Variants in NAV3 observed in about 807,000 individuals in gnomAD.
NAV3 encodes neuron navigator 3.
A neutral mutation model predicts 244.7 loss-of-function variants in NAV3; 87 were observed. That is an observed-to-expected ratio of 0.36 (90% CI 0.30 to 0.42). The LOEUF (loss-of-function observed/expected upper bound fraction) is 0.42, where lower values mean the gene tolerates loss of function less well. NAV3 is among the 20% of genes least tolerant of loss of function. The probability of loss-of-function intolerance (pLI) is 1.00; values close to 1 mark genes in which losing one functional copy is unlikely to be tolerated. For synonymous variants in NAV3, 1,126 were observed against 1,042.2 expected (o/e 1.08, Z -1.55); for missense variants, 2,663 against 2,893.3 (o/e 0.92, Z 1.83).
At chr12:77,631,684 CA>C (rs1871906920) in intron 2 of NAV3, among the ~76,000 whole-genome samples, 5 of 152,310 alleles carry the variant, frequency 3.3e-5, no homozygotes, top group Admixed American at 3.3e-4. Context: ...GCCACCCCTT[CA>C]CATGGATTAT....
chr12:78,168,730 C>A, intron 23 of NAV3, 25 bp from the exon 24 acceptor site: 1 of 1,503,928 alleles, frequency 6.6e-7, no homozygotes. Context: ...GGTACTAAAG[C>A]TTCCAAACTC....
At chr12:78,044,885 T>C (rs1566055238) in intron 9 of NAV3, among the ~76,000 whole-genome samples, 1 of 152,176 alleles carries the variant, frequency 6.6e-6, no homozygotes, top group Non-Finnish European at 1.5e-5. Context: ...ACAGAGACAA[T>C]TTGACTTCCT....
At position 77,948,686 on chromosome 12, in the gene NAV3, CCA is replaced by C. The variant is rs1283093371; in HGVS notation, c.414+7555_414+7556del. ...TGCTCCTTCTTTTTCAATTGCCCCC[CCA>C]CCACTGCCAAACTTAATAAAATTAT... is the stretch of plus-strand genomic sequence containing the variant. On this transcript the variant is annotated intron_variant, in intron 3 of 39. Coordinates refer to ENST00000397909, the MANE Select transcript of NAV3 (RefSeq NM_001024383.2). Among the ~76,000 whole-genome samples, 352 of 135,752 alleles carry C rather than the reference CCA, an allele frequency of 2.6e-3. 6 individuals carry two copies. The highest frequency in any genetic ancestry group is 8.5e-3 in the African/African-American group (315 of 37,120). 89.1% of individuals were successfully genotyped at this position (135,752 alleles called of 152,430 possible). A position where few individuals can be genotyped will look rare whatever the true frequency, so the allele number is the denominator to read the frequency against.
intron 3 of NAV3, among the ~76,000 whole-genome samples, chr12:77,958,003 G>A (rs1891533315): frequency 6.6e-6 from 1 of 152,140 alleles, no homozygotes; most frequent in Non-Finnish European, 1.5e-5. Context: ...TGGTTGATAT[G>A]TCAAGAACAC....
chr12:77,766,632 A>C (rs1869767415), intron 2 of NAV3, among the ~76,000 whole-genome samples: 1 of 151,580 alleles, frequency 6.6e-6, no homozygotes, highest in African/African-American at 2.4e-5. Flanking sequence ...TAAATTCTCA[A>C]CTTCAGTCTC....
rs141534123 is a variant in NAV3, at chr12:78,123,220, T to A, written c.4238+792T>A. Among the ~76,000 whole-genome samples, 17 of 152,308 alleles carry A rather than the reference T, an allele frequency of 1.1e-4. No individual in the cohort carries two copies. The South Asian group carries it at 3.5e-3, about 32-fold the overall frequency. ...AAAACCACTTCTTTTTCCTGATAAA[T>A]GCAATGCTATTTGTCTCTTGACATA... On this transcript the variant is annotated intron_variant, in intron 16 of 39. Transcript: ENST00000397909.
intron 2 of NAV3, among the ~76,000 whole-genome samples, chr12:77,611,861 A>G (rs1350567779): frequency 6.6e-6 from 1 of 152,046 alleles, no homozygotes; most frequent in African/African-American, 2.4e-5. Flanking sequence ...GCTTCTCTTC[A>G]TGCTTTAATA....
chr12:77,675,471 A>G (rs1874165046), intron 2 of NAV3, among the ~76,000 whole-genome samples: 2 of 152,206 alleles, frequency 1.3e-5, no homozygotes, highest in African/African-American at 4.8e-5. Context: ...TCTCTTACTT[A>G]AAGCCTACTG....
chr12:77,770,432 TA>T (rs1232463049), intron 2 of NAV3, among the ~76,000 whole-genome samples: 1 of 152,158 alleles, frequency 6.6e-6, no homozygotes, highest in African/African-American at 2.4e-5. Flanking sequence ...ATCAGGCCAG[TA>T]AAAAATCTGG....
intron 2 of NAV3, among the ~76,000 whole-genome samples, chr12:77,683,585 G>A (rs1352660686): frequency 1.3e-5 from 2 of 152,082 alleles, no homozygotes; most frequent in Non-Finnish European, 2.9e-5. Flanking sequence ...GATAGAGATT[G>A]CACTGAATCT....
chr12:78,074,939 A>G (rs1280456901), intron 12 of NAV3, among the ~76,000 whole-genome samples: 1 of 152,206 alleles, frequency 6.6e-6, no homozygotes, highest in Admixed American at 6.5e-5. Flanking sequence ...GCAAAAGACT[A>G]GAGAGTTTCC....
At chr12:77,964,042 T>C (rs1055147084) in intron 3 of NAV3, among the ~76,000 whole-genome samples, 2 of 145,980 alleles carry the variant, frequency 1.4e-5, no homozygotes, top group African/African-American at 5.0e-5. Context: ...TTTTTCTCCT[T>C]CTCCTTCTTC....
chr12:77,613,725 C>T (rs141416067), intron 2 of NAV3, among the ~76,000 whole-genome samples: 5 of 152,246 alleles, frequency 3.3e-5, no homozygotes, highest in Non-Finnish European at 7.4e-5. Context: ...TATAAACCCC[C>T]ACACACTGCC....
chr12:78,204,856 C>A, intron 38 of NAV3, 79 bp from the exon 39 acceptor site: 1 of 1,269,116 alleles, frequency 7.9e-7, no homozygotes, highest in Non-Finnish European at 1.1e-6. Context: ...GTCAAAAAAT[C>A]ACATCCAACT....
intron 9 of NAV3, among the ~76,000 whole-genome samples, chr12:78,031,086 A>G (rs755503049): frequency 3.3e-5 from 5 of 152,220 alleles, no homozygotes; most frequent in Non-Finnish European, 5.9e-5. Context: ...TTCATGATAC[A>G]GAATTCTGAG....
chr12:77,909,822 A>G (rs1886393670), intron 1 of NAV3, among the ~76,000 whole-genome samples: 2 of 152,138 alleles, frequency 1.3e-5, no homozygotes, highest in Admixed American at 1.3e-4. Context: ...TAAAATCTTA[A>G]TGGTATCACA....
chr12:77,870,304 G>A (rs2136444308), intron 1 of NAV3, among the ~76,000 whole-genome samples: 1 of 149,260 alleles, frequency 6.7e-6, no homozygotes, highest in South Asian at 2.1e-4. Flanking sequence ...GGCAGAGGTT[G>A]CATTGAGCTG....
intron 38 of NAV3, 81 bp from the exon 39 acceptor site, chr12:78,204,854 A>G: frequency 1.6e-6 from 2 of 1,265,908 alleles, no homozygotes; most frequent in Non-Finnish European, 2.2e-6. Flanking sequence ...ATGTCAAAAA[A>G]TCACATCCAA....
At chr12:77,776,239 A>C (rs1870348711) in intron 2 of NAV3, among the ~76,000 whole-genome samples, 1 of 152,238 alleles carries the variant, frequency 6.6e-6, no homozygotes, top group African/African-American at 2.4e-5. Context: ...CATTTTAAAA[A>C]CATGTAAATA....
Sources: gnomAD v4.1 joint callset for allele counts (sites outside exome capture counted in the v4.1 genomes callset) on GRCh38, gnomAD v4.1.1 for gene constraint, MANE v1.5 for transcripts, NCBI Gene and HGNC (gene_info 2026-07-23, HGNC 2026-07-21) for gene names.